SH2B3: variants seen among roughly 807,000 people sequenced by gnomAD.
SH2B3 encodes the protein SH2B adapter protein 3.
Under a neutral mutation model 51.9 loss-of-function variants are expected in SH2B3, and 43 were observed. That is an observed-to-expected ratio of 0.83 (90% confidence interval 0.65 to 1.07). The LOEUF (loss-of-function observed/expected upper bound fraction) is 1.07, where lower values mean the gene tolerates loss of function less well. SH2B3 is among the 50% of genes least tolerant of loss of function. The probability of loss-of-function intolerance (pLI) is 0.00; values close to 1 mark genes in which losing one functional copy is unlikely to be tolerated. For synonymous variants in SH2B3, 396 were observed against 376.0 expected (o/e 1.05, Z -0.62); for missense variants, 952 against 834.3 (o/e 1.14, Z -1.74).
chr12:111,447,693 G>A lies in SH2B3; in HGVS notation c.1274G>A (p.Arg425His), dbSNP rs761530554. ...RLSLTERGQCRVQHLHFPSVV... is the reference protein window; with the variant it reads ...RLSLTERGQCHVQHLHFPSVV... ...TCGCTGACAGAGCGGGGCCAGTGCC[G>A]TGTGCAGCACCTCCACTTTCCCTCG... Residue 425 changes from arginine to histidine, a missense_variant, in exon 7 of 8, where the codon CGT becomes CAT. Coordinates refer to ENST00000341259, the MANE Select transcript of SH2B3 (RefSeq NM_005475.3). 32 of 1,613,498 alleles carry A rather than the reference G, an allele frequency of 2.0e-5. No homozygotes were observed. Among genetic ancestry groups the A allele is most frequent in the Middle Eastern group, 1.6e-4 (1 of 6,084 alleles).
intron 2 of SH2B3, among the ~76,000 whole-genome samples, chr12:111,441,974 C>T (rs1400732669): frequency 6.6e-6 from 1 of 152,048 alleles, no homozygotes; most frequent in African/African-American, 2.4e-5. Context: ...CTCTGTCGAC[C>T]AGTCTAGAGT....
rs1390207403 is a variant in SH2B3 at position 111,447,972 on chromosome 12, A to G, written c.1409-11A>G. ...ACTGATGGTGTGGTCTCTCTTGGTCACTTGTCCTAGGTTCCTGCAACACGG... is the reference window on the plus strand; with the variant it reads ...ACTGATGGTGTGGTCTCTCTTGGTCGCTTGTCCTAGGTTCCTGCAACACGG... On this transcript the variant is annotated splice_polypyrimidine_tract_variant and intron_variant, in intron 7 of 7. Coordinates refer to ENST00000341259, the MANE Select transcript of SH2B3 (RefSeq NM_005475.3). 3 of 1,595,330 alleles carry G rather than the reference A, an allele frequency of 1.9e-6. No homozygotes were observed. The East Asian group carries it at 6.7e-5, about 36-fold the overall frequency.
intron 7 of SH2B3, 67 bp from the exon 8 acceptor site, chr12:111,447,916 T>A: frequency 6.4e-7 from 1 of 1,550,694 alleles, no homozygotes; most frequent in Non-Finnish European, 8.8e-7. Context: ...ACAGGTATCT[T>A]GTTCTGTGTC....
intron 2 of SH2B3, among the ~76,000 whole-genome samples, chr12:111,441,966 C>G (rs550817807): frequency 2.0e-5 from 3 of 152,146 alleles, no homozygotes; most frequent in Non-Finnish European, 2.9e-5. Flanking sequence ...GGGTCTCACT[C>G]TGTCGACCAG....
At position 111,448,404 on chromosome 12, in the gene SH2B3, T is replaced by G; in HGVS notation, c.*102T>G. 2 of 942,770 alleles carry G rather than the reference T, an allele frequency of 2.1e-6. No homozygotes were observed. Among genetic ancestry groups the G allele is most frequent in the East Asian group, 5.3e-5 (2 of 37,782 alleles). 58.4% of individuals were successfully genotyped at this position (942,770 alleles called of 1,614,324 possible). ...TCTTTCCTTCCTTCCAGAGAAAGAT[T>G]TAAGGGACACTGTTAACTGCTCGTG... On this transcript the variant is annotated 3_prime_UTR_variant, in exon 8 of 8. Transcript: ENST00000341259.
chr12:111,443,026 A>G (rs1316389784), intron 2 of SH2B3, among the ~76,000 whole-genome samples: 1 of 152,226 alleles, frequency 6.6e-6, no homozygotes, highest in East Asian at 1.9e-4. Context: ...GGCCCTATAA[A>G]TGTTTGTGCC....
Position 111,447,143 on chromosome 12 carries a change from A to T in SH2B3, c.945A>T (p.Ala315=). ...CTGRGLESTE[A]EMHIPSALEP... The stretch of plus-strand genomic sequence containing the variant: ...CCAGCAGGCTGGAGAGCACAGAAGC[A>T]GAGATGCATATTCCCTCAGCCCTAG... The change falls in exon 5 of 8, where the codon GCA becomes GCT. Residue 315 remains alanine (A), a synonymous_variant. Coordinates refer to ENST00000341259, the MANE Select transcript of SH2B3 (RefSeq NM_005475.3). 1 of 1,613,834 alleles carries T rather than the reference A, an allele frequency of 6.2e-7. No homozygotes were observed. Among genetic ancestry groups the T allele is most frequent in the Non-Finnish European group, 8.5e-7 (1 of 1,179,708 alleles).
chr12:111,432,337 G>A lies in SH2B3; in HGVS notation c.732+13460G>A, dbSNP rs191007151. ...AAAGTGCTGGGATTACAGCCACCGC[G>A]CCCAGCCCATTTTTAACTTTTTTGC... is the stretch of plus-strand genomic sequence containing the variant. On this transcript the variant is annotated intron_variant, in intron 2 of 7. Coordinates refer to ENST00000341259, the MANE Select transcript of SH2B3 (RefSeq NM_005475.3). Among the ~76,000 whole-genome samples the A allele has an allele frequency of 4.3e-4, 66 of 152,098 alleles. No individual in the cohort carries two copies. In the East Asian group the frequency reaches 8.5e-3, roughly 20 times the overall value.
rs147341899 is a variant in SH2B3 at position 111,446,790 on chromosome 12, T to C, written c.770T>C (p.Ile257Thr). 4.0e-4 allele frequency: 628 copies of C among 1,563,538 alleles called. 5 individuals are homozygous for C. The African/African-American group carries it at 6.7e-3, about 17-fold the overall frequency. ...AAGCTACAAGCAGCTTGCTCCAGCATCCAGGAGGTCCGGTGGTGCACACGG... is the reference window on the plus strand; with the variant it reads ...AAGCTACAAGCAGCTTGCTCCAGCACCCAGGAGGTCCGGTGGTGCACACGG... The part of the protein sequence containing the change: ...RPKLQAACSS[I>T]QEVRWCTRLE... Residue 257 changes from isoleucine to threonine, a missense_variant, in exon 3 of 8, where the codon ATC becomes ACC. Coordinates refer to ENST00000341259, the MANE Select transcript of SH2B3 (RefSeq NM_005475.3).
At chr12:111,414,600 A>C (rs1372221429) in intron 1 of SH2B3, among the ~76,000 whole-genome samples, 2 of 152,022 alleles carry the variant, frequency 1.3e-5, no homozygotes, top group Admixed American at 6.5e-5. Context: ...AAAAAAAAAA[A>C]AAAACATTGT....
At chr12:111,430,421 A>G (rs867473819) in intron 2 of SH2B3, among the ~76,000 whole-genome samples, 1 of 151,850 alleles carries the variant, frequency 6.6e-6, no homozygotes, top group South Asian at 2.1e-4. Flanking sequence ...ACAAGGGGGG[A>G]GGTAATTAAG....
upstream of SH2B3, chr12:111,405,880 G>C (rs1406073562): frequency 6.6e-6 from 1 of 151,902 alleles, no homozygotes; most frequent in African/African-American, 2.4e-5. This position sits in a 1 kb window ranked among gnomAD's most constrained non-coding sequence, Gnocchi z 5.4. Context: ...TGTCGCGGCC[G>C]GCCTCCCCCG....
Position 111,418,678 on chromosome 12 carries a change from T to TGGCCA in SH2B3, c.534_538dup (p.Lys180ArgfsTer19). The TGGCCA allele has an allele frequency of 6.7e-7, 1 of 1,490,448 alleles. No individual in the cohort carries two copies. The highest frequency in any genetic ancestry group is 8.9e-7 in the Non-Finnish European group (1 of 1,128,210). The allele number at this position is 1,490,448 out of a possible 1,614,324, so 92.3% of individuals were successfully genotyped here. ...GCTGAGACCCCCGCCCGGCCTGGCC[T>TGGCCA]GGCCAAGAAGTTCCTGCCCTGGAGC... On this transcript the variant is annotated frameshift_variant, in exon 2 of 8. Coordinates refer to ENST00000341259, the MANE Select transcript of SH2B3 (RefSeq NM_005475.3). LOFTEE classifies it high-confidence loss of function. The surrounding 1 kb of genome is among the most constrained non-coding windows in gnomAD (Gnocchi z 6.7).
chr12:111,442,444 G>A (rs572880721), intron 2 of SH2B3, among the ~76,000 whole-genome samples: 2 of 151,498 alleles, frequency 1.3e-5, no homozygotes, highest in East Asian at 1.9e-4. Context: ...CTGGAGGGTC[G>A]ACTGAGGCCT....
rs1593026997 is a variant in SH2B3 at position 111,410,416 on chromosome 12, T to C, written c.-28+4139T>C. 2.0e-5 allele frequency among the ~76,000 whole-genome samples: 3 copies of C among 152,162 alleles called. No individual in the cohort carries two copies. The highest frequency in any genetic ancestry group is 2.0e-4 in the Admixed American group (3 of 15,288). On this transcript the variant is annotated intron_variant, in intron 1 of 7. Transcript: ENST00000341259. This position sits in a 1 kb window ranked among gnomAD's most constrained non-coding sequence, Gnocchi z 4.9. ...CAGGCTGCCCTCCTAGGGTCTCCCC[T>C]GTCTGCCCTCAACCCAGAGGCAGTG... is the stretch of plus-strand genomic sequence containing the variant.
Position 111,409,233 on chromosome 12 carries a change from C to G in SH2B3, c.-28+2956C>G, listed in dbSNP as rs1870485974. 6.6e-6 allele frequency among the ~76,000 whole-genome samples: 1 copy of G among 152,236 alleles called. No homozygotes were observed. Among genetic ancestry groups the G allele is most frequent in the South Asian group, 2.1e-4 (1 of 4,834 alleles). On this transcript the variant is annotated intron_variant, in intron 1 of 7. Transcript: ENST00000341259. This position sits in a 1 kb window ranked among gnomAD's most constrained non-coding sequence, Gnocchi z 4.0. The stretch of plus-strand genomic sequence containing the variant: ...ATCTTGGGCTGGTCCCTTAGCCTCT[C>G]TGAGCCACAGGTCTTTTTGTCTATG...
In SH2B3 at chr12:111,424,621, G is replaced by A. The variant is rs1281860094; in HGVS notation, c.732+5744G>A. On this transcript the variant is annotated intron_variant, in intron 2 of 7. Coordinates refer to ENST00000341259, the MANE Select transcript of SH2B3 (RefSeq NM_005475.3). ...CTGTCACAGGCTTGGTGGTTGCTGC[G>A]GGGCCTGGGGTGTTGCCTGCAAAGC... Among the ~76,000 whole-genome samples, 10 of 152,150 alleles carry A rather than the reference G, an allele frequency of 6.6e-5. No individual in the cohort carries two copies. The South Asian group carries it at 8.3e-4, about 13-fold the overall frequency.
chr12:111,418,082 T>C lies in SH2B3; in HGVS notation c.-27-37T>C. 2 of 1,459,696 alleles carry C rather than the reference T, an allele frequency of 1.4e-6. No individual in the cohort carries two copies. Among genetic ancestry groups the C allele is most frequent in the South Asian group, 2.8e-5 (2 of 71,202 alleles). The allele number at this position is 1,459,696 out of a possible 1,614,324, so 90.4% of individuals were successfully genotyped here. On this transcript the variant is annotated intron_variant, in intron 1 of 7. Coordinates refer to ENST00000341259, the MANE Select transcript of SH2B3 (RefSeq NM_005475.3). The surrounding 1 kb of genome is among the most constrained non-coding windows in gnomAD (Gnocchi z 6.7). ...GGCCTACACCTGCTTGCCCACCTGC[T>C]TACTCCTTGTCGCCCCCCCACCCAC... is the stretch of plus-strand genomic sequence containing the variant.
At chr12:111,419,196 G>A (rs1482826962) in intron 2 of SH2B3, among the ~76,000 whole-genome samples, 2 of 152,080 alleles carry the variant, frequency 1.3e-5, no homozygotes, top group East Asian at 1.9e-4. Flanking sequence ...CCAGCTGTTC[G>A]GGAGACTGAG....
Sources: gnomAD v4.1 joint callset for allele counts (sites outside exome capture counted in the v4.1 genomes callset) on GRCh38, gnomAD v4.1.1 for gene constraint, Gnocchi (gnomAD v3.1) non-coding constraint, MANE v1.5 for transcripts, NCBI Gene and HGNC (gene_info 2026-07-23, HGNC 2026-07-21) for gene names.